The following CEP112 variants were observed in gnomAD, a reference collection of about 807,000 sequenced individuals.
CEP112 encodes the protein centrosomal protein of 112 kDa.
CEP112 carries 127 observed loss-of-function variants against 153.0 expected under a neutral mutation model. The observed-to-expected ratio is 0.83, with a 90% CI of 0.72 to 0.96. The LOEUF (loss-of-function observed/expected upper bound fraction) is 0.96, where lower values mean the gene tolerates loss of function less well. Ranked by LOEUF, CEP112 falls within the 40% of genes least tolerant of loss-of-function variation. The pLI is 0.00. For synonymous variants in CEP112, 358 were observed against 374.4 expected (o/e 0.96, Z 0.51); for missense variants, 1,089 against 1,101.2 (o/e 0.99, Z 0.16).
chr17:65,977,921 CA>C (rs1424479848), intron 17 of CEP112, among the ~76,000 whole-genome samples: 6 of 151,854 alleles, frequency 4.0e-5, no homozygotes, highest in Non-Finnish European at 7.4e-5. Context: ...CTAAAAATAC[CA>C]AAACTAGCCA....
At chr17:66,014,666 C>A (rs571273320) in intron 16 of CEP112, among the ~76,000 whole-genome samples, 3 of 152,174 alleles carry the variant, frequency 2.0e-5, no homozygotes, top group Non-Finnish European at 4.4e-5. Context: ...GAGCAGCTCA[C>A]TCCTTGCCTG....
At chr17:65,978,988 G>T (rs1182021284) in intron 17 of CEP112, among the ~76,000 whole-genome samples, 2 of 152,118 alleles carry the variant, frequency 1.3e-5, no homozygotes, top group African/African-American at 4.8e-5. Flanking sequence ...ACCACACATT[G>T]CTCTCTTCTC....
chr17:65,666,933 C>T (rs2046723278), intron 24 of CEP112, among the ~76,000 whole-genome samples: 1 of 152,166 alleles, frequency 6.6e-6, no homozygotes, highest in Admixed American at 6.5e-5. Flanking sequence ...AATTCCTTCT[C>T]TTTGGATCCT....
chr17:65,653,915 C>T (rs773157950), intron 24 of CEP112, among the ~76,000 whole-genome samples: 16 of 151,458 alleles, frequency 1.1e-4, no homozygotes, highest in Admixed American at 4.6e-4. Context: ...AAAAATTAGC[C>T]GGGCGTGGTG....
intron 18 of CEP112, among the ~76,000 whole-genome samples, chr17:65,947,490 C>T (rs1450186796): frequency 6.6e-6 from 1 of 152,040 alleles, no homozygotes; most frequent in Non-Finnish European, 1.5e-5. Flanking sequence ...CAAGTGGAGA[C>T]ATAATGACAT....
At chr17:66,035,208 A>G (rs905575698) in intron 12 of CEP112, among the ~76,000 whole-genome samples, 8 of 151,716 alleles carry the variant, frequency 5.3e-5, no homozygotes, top group African/African-American at 1.7e-4. Context: ...AAAGGAAGAG[A>G]TTTGTGACTA....
At chr17:66,096,417 T>A in intron 7 of CEP112, 89 bp from the exon 8 acceptor site, 1 of 1,298,938 alleles carries the variant, frequency 7.7e-7, no homozygotes, top group Non-Finnish European at 1.1e-6. Flanking sequence ...CTGAGGCCCG[T>A]ACCAAAATAG....
At chr17:66,003,617 T>G (rs1254806062) in intron 17 of CEP112, among the ~76,000 whole-genome samples, 1 of 152,174 alleles carries the variant, frequency 6.6e-6, no homozygotes, top group Non-Finnish European at 1.5e-5. Context: ...AAACAAATAT[T>G]TGTTGTCTTA....
chr17:66,064,890 C>T (rs2067056508), intron 10 of CEP112, among the ~76,000 whole-genome samples: 3 of 152,130 alleles, frequency 2.0e-5, no homozygotes, highest in African/African-American at 7.2e-5. Flanking sequence ...TTTATAATTG[C>T]TTTTACCAAC....
chr17:65,932,802 G>A (rs62063078), intron 18 of CEP112, among the ~76,000 whole-genome samples: 2,426 of 152,004 alleles, frequency 0.016, 26 homozygotes, highest in Non-Finnish European at 0.024. Context: ...AGGAGAACCC[G>A]CCCCCATGAT....
At chr17:66,177,053 T>G in intron 2 of CEP112, 33 bp from the exon 3 acceptor site, 2 of 1,530,276 alleles carry the variant, frequency 1.3e-6, no homozygotes, top group Non-Finnish European at 1.8e-6. Context: ...AGAAATTTTA[T>G]TTTTTATAAA....
intron 19 of CEP112, among the ~76,000 whole-genome samples, chr17:65,917,868 CTAAA>C: frequency 6.6e-6 from 1 of 152,036 alleles, no homozygotes; most frequent in African/African-American, 2.4e-5. Flanking sequence ...CCAGTGTAGA[CTAAA>C]TAGTCTCATT....
At position 65,690,113 on chromosome 17, in the gene CEP112, CAAAA is replaced by C. The variant is rs67399289; in HGVS notation, c.2608-899_2608-896del. Among the ~76,000 whole-genome samples, 274 of 62,568 alleles carry C rather than the reference CAAAA, an allele frequency of 4.4e-3. 1 individual carries two copies. The highest frequency in any genetic ancestry group is 0.028 in the East Asian group (51 of 1,792). The allele number at this position is 62,568 out of a possible 152,430, so 41.0% of individuals were successfully genotyped here. On this transcript the variant is annotated intron_variant, in intron 23 of 26. Transcript: ENST00000535342. ...GACATAGCAATGAAAGAAAACAGAC[CAAAA>C]AAAAAAAAAAAAAAAAAAAAACTCC... is the stretch of plus-strand genomic sequence containing the variant.
At chr17:65,687,795 A>G (rs1324167181) in intron 24 of CEP112, among the ~76,000 whole-genome samples, 1 of 152,232 alleles carries the variant, frequency 6.6e-6, no homozygotes, top group Non-Finnish European at 1.5e-5. Context: ...CTTCCCTATC[A>G]GCCTTACTTT....
chr17:65,718,028 A>G (rs938122832), intron 23 of CEP112, among the ~76,000 whole-genome samples: 2 of 152,200 alleles, frequency 1.3e-5, no homozygotes, highest in Non-Finnish European at 2.9e-5. Flanking sequence ...ATATATAACT[A>G]AACAAAAGCA....
At chr17:66,008,420 G>T (rs1207573873) in intron 16 of CEP112, among the ~76,000 whole-genome samples, 3 of 151,938 alleles carry the variant, frequency 2.0e-5, no homozygotes, top group Non-Finnish European at 4.4e-5. Context: ...GTGGCACAAT[G>T]GTAGCTCACT....
At chr17:66,086,498 G>C (rs1475141459) in intron 8 of CEP112, among the ~76,000 whole-genome samples, 1 of 140,028 alleles carries the variant, frequency 7.1e-6, no homozygotes, top group East Asian at 2.1e-4. Context: ...CTGCCTCCCG[G>C]GGTCATGCCA....
chr17:66,017,381 C>G (rs1189321736), intron 16 of CEP112, among the ~76,000 whole-genome samples: 2 of 152,154 alleles, frequency 1.3e-5, no homozygotes, highest in Admixed American at 6.5e-5. Flanking sequence ...GGACTCCCCT[C>G]TGAGGTAAAC....
intron 19 of CEP112, 74 bp from the exon 20 acceptor site, chr17:65,902,408 T>C: frequency 1.6e-6 from 2 of 1,246,196 alleles, no homozygotes; most frequent in East Asian, 2.6e-5. Flanking sequence ...TACAGCTTAA[T>C]TTTTCTCTAA....
Sources: allele counts gnomAD v4.1 joint callset (sites outside exome capture counted in the v4.1 genomes callset), GRCh38; gene constraint gnomAD v4.1.1; transcripts MANE v1.5; gene names NCBI Gene and HGNC (gene_info 2026-07-23, HGNC 2026-07-21).